The following UNC79 variants were observed in gnomAD, a reference collection of about 807,000 sequenced individuals.
The protein encoded by UNC79 is unc-79 subunit of NALCN channel complex.
UNC79 carries 37 observed loss-of-function variants against 283.1 expected under a neutral mutation model. The ratio of observed to expected loss-of-function variants is 0.13; its 90% CI spans 0.10 to 0.17. The LOEUF (loss-of-function observed/expected upper bound fraction) is 0.17, where lower values mean the gene tolerates loss of function less well. UNC79 is among the 10% of genes least tolerant of loss of function. The pLI is 1.00. For missense variants in UNC79, 2,272 were observed against 3,211.1 expected, an observed-to-expected ratio of 0.71 and a Z score of 7.07; for synonymous variants, 1,107 against 1,200.2, an observed-to-expected ratio of 0.92 and a Z score of 1.61.
chr14:93,347,206 T>TG, intron 1 of UNC79: 3 of 1,510,474 alleles, frequency 2.0e-6, no homozygotes, highest in Non-Finnish European at 2.7e-6. Context: ...CACTGGAGCT[T>TG]GCGTTACTTG....
intron 1 of UNC79, among the ~76,000 whole-genome samples, chr14:93,440,238 TA>T (rs11314560): frequency 0.014 from 1,826 of 132,026 alleles, 40 homozygotes; most frequent in African/African-American, 0.05. Context: ...TGCAGAAGGT[TA>T]GGGGTGGGGG....
chr14:93,640,564 G>C (rs1463240841), intron 32 of UNC79, among the ~76,000 whole-genome samples: 1 of 152,168 alleles, frequency 6.6e-6, no homozygotes, highest in Non-Finnish European at 1.5e-5. Context: ...GGAGGTTGAG[G>C]CTGCAGTGAG....
intron 35 of UNC79, among the ~76,000 whole-genome samples, chr14:93,652,037 C>T (rs2070340919): frequency 6.7e-6 from 1 of 148,646 alleles, no homozygotes; most frequent in Non-Finnish European, 1.5e-5. Context: ...GCTGGGATTA[C>T]AGGCGTGAGC....
intron 7 of UNC79, among the ~76,000 whole-genome samples, chr14:93,516,176 T>A (rs192461135): frequency 1.9e-4 from 29 of 152,264 alleles, no homozygotes; most frequent in Non-Finnish European, 4.1e-4. Flanking sequence ...CTAAACTCTC[T>A]ATTTTGTTTC....
chr14:93,500,366 TG>T (rs2059222064), intron 7 of UNC79, among the ~76,000 whole-genome samples: 1 of 152,212 alleles, frequency 6.6e-6, no homozygotes, highest in Non-Finnish European at 1.5e-5. Context: ...GGATGCCTGC[TG>T]CCCTCCAGGC....
intron 40 of UNC79, among the ~76,000 whole-genome samples, chr14:93,670,354 G>T (rs576198255): frequency 3.0e-4 from 46 of 152,284 alleles, no homozygotes; most frequent in African/African-American, 1.1e-3. Flanking sequence ...TGCAGGCTCT[G>T]GTTGTTTTAC....
intron 5 of UNC79, among the ~76,000 whole-genome samples, chr14:93,493,092 G>T (rs1028058892): frequency 1.3e-5 from 2 of 152,176 alleles, no homozygotes; most frequent in Non-Finnish European, 2.9e-5. Context: ...GTTATAAAAG[G>T]AAATTTTGCT....
At chr14:93,646,117 A>G (rs2069569618) in intron 34 of UNC79, among the ~76,000 whole-genome samples, 1 of 152,228 alleles carries the variant, frequency 6.6e-6, no homozygotes, top group Non-Finnish European at 1.5e-5. Context: ...TTACTTAACC[A>G]ATACATTTCT....
At chr14:93,475,354 T>C (rs965836912) in intron 3 of UNC79, among the ~76,000 whole-genome samples, 4 of 152,224 alleles carry the variant, frequency 2.6e-5, no homozygotes, top group Non-Finnish European at 5.9e-5. Context: ...CTTTTAGTTA[T>C]GGCTAACTCC....
rs547343532 is a variant in UNC79 at position 93,365,835 on chromosome 14, G to A, written c.-351+32312G>A. ...GAGAAAATGGAAGGGAGGAAATAAA[G>A]GAGTCAAATAAAAGTTTCCCAGAGC... On this transcript the variant is annotated intron_variant, in intron 1 of 49. Coordinates refer to the UNC79 transcript ENST00000256339. 5.3e-5 allele frequency among the ~76,000 whole-genome samples: 8 copies of A among 152,194 alleles called. No individual in the cohort carries two copies. The East Asian group carries it at 1.5e-3, about 29-fold the overall frequency.
Position 93,371,637 on chromosome 14 carries a change from G to A in UNC79, c.-351+38114G>A, listed in dbSNP as rs1391626078. ...GGGTGGATCACGAGGTCAGGAGATC[G>A]AGACCATCCTGGCTAACATGGTGAA... On this transcript the variant is annotated intron_variant, in intron 1 of 49. Coordinates refer to the UNC79 transcript ENST00000256339. 1.4e-4 allele frequency among the ~76,000 whole-genome samples: 22 copies of A among 152,090 alleles called. No homozygotes were observed. In the Middle Eastern group the frequency reaches 0.014, roughly 94 times the overall value.
chr14:93,434,743 A>T (rs2056018086), intron 1 of UNC79, among the ~76,000 whole-genome samples: 1 of 152,214 alleles, frequency 6.6e-6, no homozygotes, highest in African/African-American at 2.4e-5. Context: ...GGATAGTTAT[A>T]GTTGTTGTGA....
At chr14:93,352,024 C>T (rs1206586251) in intron 1 of UNC79, among the ~76,000 whole-genome samples, 1 of 152,128 alleles carries the variant, frequency 6.6e-6, no homozygotes, top group East Asian at 1.9e-4. Flanking sequence ...CAAGTTGACA[C>T]AAAATTAACC....
At chr14:93,654,447 G>C (rs1413127573) in intron 37 of UNC79, among the ~76,000 whole-genome samples, 1 of 151,940 alleles carries the variant, frequency 6.6e-6, no homozygotes, top group African/African-American at 2.4e-5. Context: ...AGTGAGCTGT[G>C]ATGGCTACAT....
chr14:93,645,245 T>C (rs2069470882), intron 34 of UNC79, among the ~76,000 whole-genome samples: 1 of 152,234 alleles, frequency 6.6e-6, no homozygotes, highest in Admixed American at 6.5e-5. Context: ...GTGAGAACAA[T>C]ATGTGTTCAA....
chr14:93,396,186 T>A (rs2054992415), intron 1 of UNC79, among the ~76,000 whole-genome samples: 1 of 152,066 alleles, frequency 6.6e-6, no homozygotes, highest in African/African-American at 2.4e-5. Context: ...GTCTTGTGGA[T>A]TTTTCCTTTC....
At chr14:93,444,610 T>C (rs2056409298) in intron 1 of UNC79, among the ~76,000 whole-genome samples, 1 of 152,168 alleles carries the variant, frequency 6.6e-6, no homozygotes, top group Non-Finnish European at 1.5e-5. Context: ...TTATGTATAA[T>C]GTGAGGTAAA....
intron 1 of UNC79, among the ~76,000 whole-genome samples, chr14:93,443,240 T>TAAATAAAG (rs1266290430): frequency 6.6e-6 from 1 of 151,188 alleles, no homozygotes; most frequent in African/African-American, 2.4e-5. Context: ...AATAAATAAA[T>TAAATAAAG]AAATAAATAA....
chr14:93,555,853 C>T lies in UNC79; in HGVS notation c.1755+13157C>T, dbSNP rs531502339. Among the ~76,000 whole-genome samples the T allele has an allele frequency of 4.3e-4, 66 of 152,276 alleles. 2 individuals carry two copies. In the South Asian group the frequency reaches 0.013, roughly 31 times the overall value. On this transcript the variant is annotated intron_variant, in intron 14 of 48. Coordinates refer to ENST00000555664, the Ensembl canonical transcript of UNC79. ...AATAAGATAGATAATTTATATTTTACTTAAACCAAGGGAGAAATGGTGTGA... is the reference window on the plus strand; with the variant it reads ...AATAAGATAGATAATTTATATTTTATTTAAACCAAGGGAGAAATGGTGTGA...
Sources: allele counts gnomAD v4.1 joint callset (sites outside exome capture counted in the v4.1 genomes callset), GRCh38; gene constraint gnomAD v4.1.1; transcripts MANE v1.5; gene names NCBI Gene and HGNC (gene_info 2026-07-23, HGNC 2026-07-21).